The following GLRA1 variants were observed in gnomAD, a reference collection of about 807,000 sequenced individuals.
GLRA1 encodes the protein glycine receptor alpha 1.
A neutral mutation model predicts 48.3 loss-of-function variants in GLRA1; 37 were observed. The ratio of observed to expected loss-of-function variants is 0.77; its 90% CI spans 0.59 to 1.01. GLRA1 has a LOEUF of 1.01. Ranked by LOEUF, GLRA1 falls within the 50% of genes least tolerant of loss-of-function variation. The pLI is 0.00. For synonymous variants in GLRA1, 196 were observed against 210.7 expected (o/e 0.93, Z 0.60); for missense variants, 427 against 571.0 (o/e 0.75, Z 2.57).
At chr5:151,868,527 T>G (rs1001072572) in intron 3 of GLRA1, among the ~76,000 whole-genome samples, 9 of 152,184 alleles carry the variant, frequency 5.9e-5, no homozygotes, top group African/African-American at 2.2e-4. Context: ...AAAGCTGGGA[T>G]TTGAACCCAG....
intron 7 of GLRA1, among the ~76,000 whole-genome samples, chr5:151,839,202 G>A (rs375947660): frequency 6.6e-6 from 1 of 152,198 alleles, no homozygotes; most frequent in South Asian, 2.1e-4. Context: ...CAAAAGCTGA[G>A]AGACTTCCGC....
At chr5:151,903,536 G>A (rs1428305026) in intron 1 of GLRA1, among the ~76,000 whole-genome samples, 4 of 152,178 alleles carry the variant, frequency 2.6e-5, no homozygotes, top group Non-Finnish European at 4.4e-5. Context: ...TCACTCAGCA[G>A]GTTCCAAAGT....
intron 6 of GLRA1, 50 bp downstream of exon 6, chr5:151,854,990 C>T: frequency 6.3e-7 from 1 of 1,588,554 alleles, no homozygotes. Flanking sequence ...GAAATGACCT[C>T]TGGTCCTGGT....
chr5:151,893,569 C>T (rs1754155002), intron 1 of GLRA1, among the ~76,000 whole-genome samples: 1 of 151,998 alleles, frequency 6.6e-6, no homozygotes, highest in African/African-American at 2.4e-5. Context: ...TCCACATGTT[C>T]TTATTGTTCA....
intron 3 of GLRA1, among the ~76,000 whole-genome samples, chr5:151,863,959 G>A (rs1435643291): frequency 1.3e-5 from 2 of 152,106 alleles, no homozygotes; most frequent in Non-Finnish European, 2.9e-5. Context: ...AGTGACATTT[G>A]GCCTCATAAT....
In GLRA1 at chr5:151,856,338, G is replaced by A. The variant is rs114046477; in HGVS notation, c.522C>T (p.Pro174=). 3.4e-5 allele frequency: 55 copies of A among 1,612,218 alleles called. No individual in the cohort carries two copies. In the African/African-American group the frequency reaches 7.1e-4, roughly 21 times the overall value. The change falls in exon 5 of 9, where the codon CCC becomes CCT. Residue 174 remains proline, a synonymous_variant. Coordinates refer to ENST00000274576, the MANE Select transcript of GLRA1 (RefSeq NM_000171.4). The part of the protein sequence containing the change: ...LACPMDLKNF[P]MDVQTCIMQL... ...GCATGATACATGTCTGGACATCCAT[G>A]GGGAAATTCTTCAAGTCCATGGGGC...
chr5:151,865,281 A>G (rs1200503717), intron 3 of GLRA1, among the ~76,000 whole-genome samples: 2 of 152,204 alleles, frequency 1.3e-5, no homozygotes, highest in African/African-American at 4.8e-5. Context: ...GCTAGGGAAT[A>G]TAGAAGACAG....
At chr5:151,844,485 G>T (rs1051429501) in intron 7 of GLRA1, among the ~76,000 whole-genome samples, 1 of 151,552 alleles carries the variant, frequency 6.6e-6, no homozygotes, top group Non-Finnish European at 1.5e-5. Context: ...AGCCAGGCAT[G>T]GTGGTGCATG....
intron 3 of GLRA1, among the ~76,000 whole-genome samples, chr5:151,876,905 C>T (rs895034726): frequency 2.0e-5 from 3 of 152,012 alleles, no homozygotes; most frequent in Admixed American, 2.0e-4. Flanking sequence ...GATTTGTGTC[C>T]TAATAAGGAG....
intron 1 of GLRA1, among the ~76,000 whole-genome samples, chr5:151,901,175 C>G (rs1027466197): frequency 2.6e-5 from 4 of 152,196 alleles, no homozygotes; most frequent in Admixed American, 2.0e-4. Flanking sequence ...TAGGTCAAAC[C>G]TATGTTTGCG....
chr5:151,846,172 C>G (rs1047430321), intron 7 of GLRA1, among the ~76,000 whole-genome samples: 12 of 152,046 alleles, frequency 7.9e-5, no homozygotes, highest in African/African-American at 2.9e-4. Context: ...GGTTGTACAA[C>G]TTTGTGAATA....
intron 3 of GLRA1, among the ~76,000 whole-genome samples, chr5:151,882,895 A>G (rs1163495942): frequency 6.6e-6 from 1 of 152,162 alleles, no homozygotes; most frequent in East Asian, 1.9e-4. Context: ...AAGTGAAATG[A>G]CATATAGCAG....
At chr5:151,903,464 T>C (rs1017817624) in intron 1 of GLRA1, among the ~76,000 whole-genome samples, 2 of 152,150 alleles carry the variant, frequency 1.3e-5, no homozygotes, top group Non-Finnish European at 2.9e-5. Flanking sequence ...GTTGATTCCC[T>C]TGAATCCTCT....
intron 3 of GLRA1, among the ~76,000 whole-genome samples, chr5:151,863,155 C>A (rs1156549849): frequency 6.6e-6 from 1 of 152,178 alleles, no homozygotes; most frequent in Non-Finnish European, 1.5e-5. Context: ...GTAATCCCAG[C>A]ATGTTGGGAG....
At chr5:151,912,126 C>A (rs913183091) in intron 1 of GLRA1, among the ~76,000 whole-genome samples, 3 of 152,080 alleles carry the variant, frequency 2.0e-5, no homozygotes, top group Non-Finnish European at 4.4e-5. Context: ...TGGAGCATTA[C>A]ATTTTTTTCT....
At chr5:151,857,358 GT>G (rs1581621756) in intron 4 of GLRA1, among the ~76,000 whole-genome samples, 2 of 152,178 alleles carry the variant, frequency 1.3e-5, no homozygotes, top group African/African-American at 4.8e-5. Context: ...GAACTTCTGG[GT>G]TTTTTGGAGT....
At chr5:151,849,798 A>G (rs1283171398) in intron 7 of GLRA1, 2 of 973,066 alleles carry the variant, frequency 2.1e-6, no homozygotes, top group East Asian at 4.2e-5. Flanking sequence ...AGGTGATCCA[A>G]CTGCCTTGGC....
chr5:151,868,593 C>T lies in GLRA1; in HGVS notation c.253-8585G>A, dbSNP rs78095123. Among the ~76,000 whole-genome samples, 1,298 of 152,240 alleles carry T rather than the reference C, an allele frequency of 8.5e-3. 16 individuals carry two copies. The highest frequency in any genetic ancestry group is 0.03 in the African/African-American group (1,240 of 41,524). ...CAGTAGACTACACTACCCATGATAT[C>T]CCAGATATGAATTGAGTGACAGTTT... On this transcript the variant is annotated intron_variant, in intron 3 of 8. Coordinates refer to ENST00000274576, the MANE Select transcript of GLRA1 (RefSeq NM_000171.4).
chr5:151,903,498 A>G (rs997309365), intron 1 of GLRA1, among the ~76,000 whole-genome samples: 2 of 152,196 alleles, frequency 1.3e-5, no homozygotes, highest in African/African-American at 4.8e-5. Context: ...AGCTGCAGCT[A>G]TGCTCAGTGG....
Sources: gnomAD v4.1 joint callset for allele counts (sites outside exome capture counted in the v4.1 genomes callset) on GRCh38, gnomAD v4.1.1 for gene constraint, MANE v1.5 for transcripts, NCBI Gene and HGNC (gene_info 2026-07-23, HGNC 2026-07-21) for gene names.